RGS20: variants seen among roughly 807,000 people sequenced by gnomAD.
The protein encoded by RGS20 is gz-selective GTPase-activating protein.
RGS20 carries 30 observed loss-of-function variants against 33.6 expected under a neutral mutation model. The observed-to-expected ratio is 0.89, with a 90% confidence interval of 0.67 to 1.21. The LOEUF is 1.21. Ranked by LOEUF, RGS20 falls within the 50% of genes most tolerant of loss-of-function variation. The pLI, the probability that RGS20 is intolerant of heterozygous loss-of-function variation, is 0.00. For missense variants in RGS20, 472 were observed against 502.4 expected (o/e 0.94, Z 0.58); for synonymous variants, 208 against 197.9 (o/e 1.05, Z -0.43).
chr8:53,940,170 A>G lies in RGS20; in HGVS notation c.659+446A>G, dbSNP rs557562646. 8.5e-5 allele frequency among the ~76,000 whole-genome samples: 13 copies of G among 152,292 alleles called. No homozygotes were observed. In the South Asian group the frequency reaches 2.5e-3, roughly 29 times the overall value. On this transcript the variant is annotated intron_variant, in intron 3 of 5. Coordinates refer to ENST00000297313, the MANE Select transcript of RGS20 (RefSeq NM_170587.4). ...ATAAATTTTGTTTTGTAATAAAGAG[A>G]AATGTCAAAATATGTGTTTTAAAGA...
chr8:53,852,532 A>T (rs1207575486), intron 1 of RGS20, among the ~76,000 whole-genome samples: 1 of 152,188 alleles, frequency 6.6e-6, no homozygotes, highest in Admixed American at 6.5e-5. Flanking sequence ...TCCAAATTCA[A>T]AGTTTCCAAA....
chr8:53,949,874 C>T (rs566213432), intron 4 of RGS20, among the ~76,000 whole-genome samples: 1 of 149,546 alleles, frequency 6.7e-6, no homozygotes, highest in Non-Finnish European at 1.5e-5. Flanking sequence ...GAGTCTAGCT[C>T]TGTCACCCAG....
chr8:53,896,495 C>T (rs1358969310), intron 2 of RGS20, among the ~76,000 whole-genome samples: 3 of 152,266 alleles, frequency 2.0e-5, no homozygotes, highest in South Asian at 2.1e-4. Flanking sequence ...AAACATTTGT[C>T]TACCTCTGGA....
Position 53,881,005 on chromosome 8 carries a change from C to G in RGS20, c.510+1403C>G, listed in dbSNP as rs749154033. On this transcript the variant is annotated intron_variant, in intron 2 of 5. Transcript: ENST00000297313. Reference sequence around the variant, plus strand: ...CCGCGCTGCAATATTGAGAAGGCACCCGCGGGACGCATGCGCACGGCGGAC... The same window carrying G: ...CCGCGCTGCAATATTGAGAAGGCACGCGCGGGACGCATGCGCACGGCGGAC... 8.2e-6 allele frequency: 13 copies of G among 1,594,892 alleles called. No homozygotes were observed. In the South Asian group the frequency reaches 1.4e-4, roughly 18 times the overall value.
intron 1 of RGS20, among the ~76,000 whole-genome samples, chr8:53,859,899 AT>A (rs1785101797): frequency 6.6e-6 from 1 of 152,132 alleles, no homozygotes. Context: ...CACCCCCACT[AT>A]TCAGTTACCT....
chr8:53,947,010 A>G (rs1012287866), intron 4 of RGS20, among the ~76,000 whole-genome samples: 2 of 149,328 alleles, frequency 1.3e-5, no homozygotes, highest in Non-Finnish European at 3.0e-5. Context: ...AAAACATATT[A>G]TGTTATTTTA....
At chr8:53,927,484 C>A (rs1187906239) in intron 2 of RGS20, among the ~76,000 whole-genome samples, 1 of 152,122 alleles carries the variant, frequency 6.6e-6, no homozygotes, top group East Asian at 1.9e-4. Flanking sequence ...GGATTACAGG[C>A]ATGAGGCACC....
chr8:53,939,385 T>A (rs1331855811), intron 2 of RGS20, among the ~76,000 whole-genome samples, 191 bp from the exon 2 acceptor site: 3 of 152,240 alleles, frequency 2.0e-5, no homozygotes, highest in Non-Finnish European at 4.4e-5. Context: ...TGGCAGAGGA[T>A]AAGCGTTACA....
chr8:53,869,140 T>C (rs1201124205), intron 1 of RGS20, among the ~76,000 whole-genome samples: 1 of 152,230 alleles, frequency 6.6e-6, no homozygotes, highest in Non-Finnish European at 1.5e-5. Context: ...TTCAATTTTC[T>C]GATATCAAAT....
chr8:53,938,749 G>C (rs1432201476), intron 2 of RGS20, among the ~76,000 whole-genome samples: 1 of 152,030 alleles, frequency 6.6e-6, no homozygotes, highest in Non-Finnish European at 1.5e-5. Flanking sequence ...ACGTAAAATG[G>C]GCTTAGCAAT....
Position 53,881,098 on chromosome 8 carries a change from T to A in RGS20, c.510+1496T>A. The stretch of plus-strand genomic sequence containing the variant: ...GACGGTGGGCTCGTGAGTATCCCAG[T>A]TCCTCGAACTCTCTTTCTTCGTCTC... On this transcript the variant is annotated intron_variant, in intron 2 of 5. Coordinates refer to ENST00000297313, the MANE Select transcript of RGS20 (RefSeq NM_170587.4). 1 of 1,505,652 alleles carries A rather than the reference T, an allele frequency of 6.6e-7. No homozygotes were observed. Among genetic ancestry groups the A allele is most frequent in the Non-Finnish European group, 8.8e-7 (1 of 1,134,124 alleles). 93.3% of individuals were successfully genotyped at this position (1,505,652 alleles called of 1,614,324 possible). A position where few individuals can be genotyped will look rare whatever the true frequency, so the allele number is the denominator to read the frequency against.
At chr8:53,944,313 G>A (rs1814398656) in intron 3 of RGS20, among the ~76,000 whole-genome samples, 2 of 152,154 alleles carry the variant, frequency 1.3e-5, no homozygotes, top group African/African-American at 4.8e-5. Flanking sequence ...GCCGAGGCGG[G>A]CAGATCACAA....
At chr8:53,890,828 C>T (rs1367264083) in intron 2 of RGS20, among the ~76,000 whole-genome samples, 1 of 152,112 alleles carries the variant, frequency 6.6e-6, no homozygotes, top group Non-Finnish European at 1.5e-5. Flanking sequence ...GATGGGGTCT[C>T]GCTATGTTAC....
intron 2 of RGS20, among the ~76,000 whole-genome samples, chr8:53,883,686 T>G (rs1812461114): frequency 6.6e-6 from 1 of 152,112 alleles, no homozygotes; most frequent in Admixed American, 6.5e-5. Flanking sequence ...GGCTCACTCC[T>G]GTAATCTCAG....
At chr8:53,868,465 G>A (rs1426077562) in intron 1 of RGS20, among the ~76,000 whole-genome samples, 3 of 152,050 alleles carry the variant, frequency 2.0e-5, no homozygotes, top group Non-Finnish European at 4.4e-5. Flanking sequence ...CGGCCTCACT[G>A]GTCTGCAGTT....
At position 53,852,057 on chromosome 8, in the gene RGS20, A is replaced by T. The variant is rs1484136148; in HGVS notation, c.158A>T (p.Asp53Val). 4.3e-6 allele frequency: 7 copies of T among 1,609,784 alleles called. No individual in the cohort carries two copies. Among genetic ancestry groups the T allele is most frequent in the Non-Finnish European group, 5.9e-6 (7 of 1,177,548 alleles). ...GAAGGAGACCTCAGGGCTGTTCCTG[A>T]TATCAAGGTAAGGTGATTTCCACAA... Residue 53 changes from aspartate to valine, a missense_variant, in exon 1 of 6, where the codon GAT (aspartate) becomes GTT (valine). Transcript: ENST00000297313.
At chr8:53,914,460 G>T (rs1005200555) in intron 2 of RGS20, among the ~76,000 whole-genome samples, 1 of 152,010 alleles carries the variant, frequency 6.6e-6, no homozygotes, top group African/African-American at 2.4e-5. Flanking sequence ...CCCCCAAACT[G>T]TAATTTGTGA....
Position 53,954,272 on chromosome 8 carries a change from A to C in RGS20, c.940A>C (p.Ile314Leu). ...CATTATTGAAGAGAAAGCAAGGATAATCTATGAAGACTACATTTCTATACT... is the reference window on the plus strand; with the variant it reads ...CATTATTGAAGAGAAAGCAAGGATACTCTATGAAGACTACATTTCTATACT... The change falls in exon 5 of 6, where the codon ATC becomes CTC. Residue 314 changes from isoleucine to leucine, a missense_variant. Ile to Leu is a conservative substitution (Grantham distance 5, BLOSUM62 2). Coordinates refer to ENST00000297313, the MANE Select transcript of RGS20 (RefSeq NM_170587.4). The C allele has an allele frequency of 6.2e-7, 1 of 1,612,758 alleles. No homozygotes were observed. Among genetic ancestry groups the C allele is most frequent in the Non-Finnish European group, 8.5e-7 (1 of 1,178,800 alleles).
intron 3 of RGS20, among the ~76,000 whole-genome samples, chr8:53,945,886 C>CT: frequency 7.4e-6 from 1 of 135,238 alleles, no homozygotes; most frequent in Non-Finnish European, 1.6e-5. Flanking sequence ...GACTTGGTCT[C>CT]CAAAAAAAAA....
Sources: allele counts gnomAD v4.1 joint callset (sites outside exome capture counted in the v4.1 genomes callset), GRCh38; gene constraint gnomAD v4.1.1; transcripts MANE v1.5; gene names NCBI Gene and HGNC (gene_info 2026-07-23, HGNC 2026-07-21).